Variants in PLXNA2 observed in about 807,000 individuals in gnomAD.
PLXNA2 encodes plexin-A2.
A neutral mutation model predicts 193.5 loss-of-function variants in PLXNA2; 91 were observed. That is an observed-to-expected ratio of 0.47 (90% confidence interval 0.40 to 0.56). The LOEUF is 0.56. Among genes scored for constraint, PLXNA2 ranks in the 20% least tolerant of loss-of-function variants. PLXNA2 has a pLI of 0.00. For missense variants in PLXNA2, 1,995 were observed against 2,503.2 expected (o/e 0.80, Z 4.33); for synonymous variants, 997 against 1,027.3 (o/e 0.97, Z 0.56).
chr1:208,212,775 T>A (rs1054935786), intron 2 of PLXNA2, among the ~76,000 whole-genome samples: 5 of 152,110 alleles, frequency 3.3e-5, no homozygotes, highest in Non-Finnish European at 5.9e-5. Context: ...GCTACACTTT[T>A]TACATTGTGT....
intron 7 of PLXNA2, among the ~76,000 whole-genome samples, 184 bp downstream of exon 7, chr1:208,096,546 G>A (rs1233502958): frequency 6.6e-6 from 1 of 152,208 alleles, no homozygotes; most frequent in Non-Finnish European, 1.5e-5. Flanking sequence ...TCAAAGTGGA[G>A]CAAGTGTTTT....
At chr1:208,097,450 C>T (rs1666935819) in intron 6 of PLXNA2, among the ~76,000 whole-genome samples, 1 of 152,196 alleles carries the variant, frequency 6.6e-6, no homozygotes, top group African/African-American at 2.4e-5. Flanking sequence ...TCTCTGTTCT[C>T]TAGCAGCTCC....
At chr1:208,168,723 GGTTTTTTTTTTTTTT>G (rs1365476304) in intron 3 of PLXNA2, among the ~76,000 whole-genome samples, 28 of 102,194 alleles carry the variant, frequency 2.7e-4, no homozygotes, top group Non-Finnish European at 3.2e-4. Context: ...GAGTATGCGG[GGTTTTTTTTTTTTTT>G]TTTTTTTTTT....
intron 1 of PLXNA2, among the ~76,000 whole-genome samples, chr1:208,234,799 G>A (rs1220246660): frequency 6.6e-6 from 1 of 152,196 alleles, no homozygotes; most frequent in African/African-American, 2.4e-5. Context: ...AGGTAGCTAA[G>A]TGGGCAGATC....
At chr1:208,154,496 T>G (rs1668877777) in intron 3 of PLXNA2, among the ~76,000 whole-genome samples, 1 of 152,118 alleles carries the variant, frequency 6.6e-6, no homozygotes, top group Admixed American at 6.5e-5. Context: ...ACCCAAAAAG[T>G]GGCAGTGGCT....
intron 1 of PLXNA2, among the ~76,000 whole-genome samples, chr1:208,234,836 G>A (rs1671804241): frequency 6.6e-6 from 1 of 152,226 alleles, no homozygotes; most frequent in East Asian, 1.9e-4. Context: ...TGACGCTGGG[G>A]CAAACAAACC....
intron 3 of PLXNA2, among the ~76,000 whole-genome samples, chr1:208,144,813 C>T (rs1012313791): frequency 6.6e-6 from 1 of 152,134 alleles, no homozygotes. Flanking sequence ...ATCAGTAAAG[C>T]CCCTCCTTCC....
At chr1:208,137,361 G>C (rs1668334760) in intron 4 of PLXNA2, among the ~76,000 whole-genome samples, 1 of 152,172 alleles carries the variant, frequency 6.6e-6, no homozygotes, top group East Asian at 1.9e-4. Context: ...CATCCACCCT[G>C]TGTATAGATT....
chr1:208,195,655 G>A (rs397863568), intron 3 of PLXNA2, among the ~76,000 whole-genome samples: 1 of 151,446 alleles, frequency 6.6e-6, no homozygotes, highest in Non-Finnish European at 1.5e-5. Context: ...GTTTTTTGGG[G>A]GGGGGGGTTA....
chr1:208,049,062 T>C (rs1038455194), intron 17 of PLXNA2, among the ~76,000 whole-genome samples: 10 of 152,164 alleles, frequency 6.6e-5, no homozygotes, highest in African/African-American at 2.4e-4. Flanking sequence ...AACTAGCTGA[T>C]CCTAAACTTG....
In PLXNA2 at chr1:208,027,233, G is replaced by A. The variant is rs1418919622; in HGVS notation, c.*10C>T. 4 of 1,609,546 alleles carry A rather than the reference G, an allele frequency of 2.5e-6. No homozygotes were observed. Among genetic ancestry groups the A allele is most frequent in the East Asian group, 2.2e-5 (1 of 44,850 alleles). ...AGGTCCCTCTTCCCAGGAATGCGAGGCTCCTCCTCTCAGCTCTCAATGGAC... is the reference window on the plus strand; with the variant it reads ...AGGTCCCTCTTCCCAGGAATGCGAGACTCCTCCTCTCAGCTCTCAATGGAC... On this transcript the variant is annotated 3_prime_UTR_variant, in exon 32 of 32. Coordinates refer to ENST00000367033, the MANE Select transcript of PLXNA2 (RefSeq NM_025179.4).
chr1:208,185,713 A>AAAG (rs1669973894), intron 3 of PLXNA2, among the ~76,000 whole-genome samples: 1 of 137,360 alleles, frequency 7.3e-6, no homozygotes, highest in African/African-American at 2.7e-5. Flanking sequence ...AAAAAAAAAA[A>AAAG]AAAAAGGAAA....
intron 3 of PLXNA2, among the ~76,000 whole-genome samples, chr1:208,156,852 C>T (rs183121652): frequency 1.1e-4 from 16 of 152,284 alleles, no homozygotes; most frequent in African/African-American, 3.1e-4. Flanking sequence ...TCCAGAAAGC[C>T]GTAAACTTGG....
intron 4 of PLXNA2, among the ~76,000 whole-genome samples, chr1:208,128,214 ATC>A (rs1402940098): frequency 1.3e-5 from 2 of 152,242 alleles, no homozygotes; most frequent in African/African-American, 2.4e-5. Context: ...CTCCACAGTT[ATC>A]TGTTTTCCTT....
intron 3 of PLXNA2, among the ~76,000 whole-genome samples, chr1:208,166,827 T>C (rs1173664322): frequency 6.6e-6 from 1 of 152,204 alleles, no homozygotes; most frequent in African/African-American, 2.4e-5. Context: ...TGTAAATAGA[T>C]GGATTCTAAA....
At chr1:208,084,843 G>A (rs905829799) in intron 9 of PLXNA2, among the ~76,000 whole-genome samples, 1 of 152,224 alleles carries the variant, frequency 6.6e-6, no homozygotes, top group Non-Finnish European at 1.5e-5. Context: ...GTGGCAAGCT[G>A]TGGATTTTAT....
intron 3 of PLXNA2, among the ~76,000 whole-genome samples, chr1:208,152,688 C>T (rs981859548): frequency 7.3e-6 from 1 of 137,824 alleles, no homozygotes; most frequent in African/African-American, 2.8e-5. Flanking sequence ...CACACGCACA[C>T]ACACACACAC....
In PLXNA2 at chr1:208,063,280, C is replaced by T. The variant is rs1405060001; in HGVS notation, c.2587-2443G>A. ...CATTGTGGATCCTCAGAGGCACTGGCAGGTTCCACGGGGTAGCTTCCTCCT... is the reference window on the plus strand; with the variant it reads ...CATTGTGGATCCTCAGAGGCACTGGTAGGTTCCACGGGGTAGCTTCCTCCT... On this transcript the variant is annotated intron_variant, in intron 12 of 31. Coordinates refer to ENST00000367033, the MANE Select transcript of PLXNA2 (RefSeq NM_025179.4). Among the ~76,000 whole-genome samples, 3 of 152,228 alleles carry T rather than the reference C, an allele frequency of 2.0e-5. No individual in the cohort carries two copies. In the East Asian group the frequency reaches 5.8e-4, roughly 29 times the overall value.
At position 208,193,380 on chromosome 1, in the gene PLXNA2, C is replaced by T. The variant is rs1039204994; in HGVS notation, c.1371+16900G>A. On this transcript the variant is annotated intron_variant, in intron 3 of 31. Coordinates refer to ENST00000367033, the MANE Select transcript of PLXNA2 (RefSeq NM_025179.4). ...ATGCTACTTAGCTCACACATCTAGGCAATGATTAGTGTGGACAAAGGATGG... is the reference window on the plus strand; with the variant it reads ...ATGCTACTTAGCTCACACATCTAGGTAATGATTAGTGTGGACAAAGGATGG... 5.3e-5 allele frequency among the ~76,000 whole-genome samples: 8 copies of T among 152,154 alleles called. No individual in the cohort carries two copies. In the South Asian group the frequency reaches 1.2e-3, roughly 24 times the overall value.
Sources: gnomAD v4.1 joint callset for allele counts (sites outside exome capture counted in the v4.1 genomes callset) on GRCh38, gnomAD v4.1.1 for gene constraint, MANE v1.5 for transcripts, NCBI Gene and HGNC (gene_info 2026-07-23, HGNC 2026-07-21) for gene names.